The following ADAMDEC1 variants were observed in gnomAD, a reference collection of about 807,000 sequenced individuals.
The protein encoded by ADAMDEC1 is ADAM like decysin 1.
A neutral mutation model predicts 60.4 loss-of-function variants in ADAMDEC1; 62 were observed. The observed-to-expected ratio is 1.03, with a 90% CI of 0.84 to 1.27. ADAMDEC1 has a LOEUF of 1.27. Among genes scored for constraint, ADAMDEC1 ranks in the 50% most tolerant of loss-of-function variants. The pLI, the probability that ADAMDEC1 is intolerant of heterozygous loss-of-function variation, is 0.00. For missense variants in ADAMDEC1, 595 were observed against 565.0 expected (o/e 1.05, Z -0.54); for synonymous variants, 210 against 195.1 (o/e 1.08, Z -0.64).
intron 3 of ADAMDEC1, among the ~76,000 whole-genome samples, chr8:24,393,596 C>G (rs1465287076): frequency 1.3e-5 from 2 of 152,152 alleles, no homozygotes; most frequent in Non-Finnish European, 2.9e-5. Context: ...CTCAGATAAA[C>G]TCAAGACTTT....
chr8:24,398,833 A>T, intron 8 of ADAMDEC1, 41 bp from the exon 9 acceptor site: 1 of 1,594,272 alleles, frequency 6.3e-7, no homozygotes, highest in Non-Finnish European at 8.6e-7. Context: ...ACACGAAAGG[A>T]ATCCTGAACA....
intron 7 of ADAMDEC1, 89 bp downstream of exon 7, chr8:24,397,834 C>G (rs1563355958): frequency 1.6e-6 from 2 of 1,267,704 alleles, no homozygotes; most frequent in Non-Finnish European, 2.2e-6. Context: ...ACTATTTTAG[C>G]TAATCATGGG....
At chr8:24,400,857 A>G (rs539718124) in intron 11 of ADAMDEC1, among the ~76,000 whole-genome samples, 67 of 138,034 alleles carry the variant, frequency 4.9e-4, no homozygotes, top group African/African-American at 1.8e-3. Context: ...TCATTGTTCA[A>G]TTCCCACCTA....
intron 1 of ADAMDEC1, among the ~76,000 whole-genome samples, chr8:24,386,638 C>A (rs555461500): frequency 6.6e-6 from 1 of 152,184 alleles, no homozygotes; most frequent in Non-Finnish European, 1.5e-5. Context: ...CCTTCTCATA[C>A]AAGGACATTG....
intron 11 of ADAMDEC1, among the ~76,000 whole-genome samples, chr8:24,400,632 C>CAT (rs35748437): frequency 0.022 from 3,155 of 145,700 alleles, 27 homozygotes; most frequent in Middle Eastern, 0.064. Flanking sequence ...TGTTTCTTTT[C>CAT]ATATATATAT....
intron 3 of ADAMDEC1, 81 bp from the exon 4 acceptor site, chr8:24,393,988 C>A: frequency 1.2e-6 from 1 of 864,238 alleles, no homozygotes; most frequent in Non-Finnish European, 1.9e-6. Flanking sequence ...TAGACACTAT[C>A]ACTATTTTAG....
intron 1 of ADAMDEC1, among the ~76,000 whole-genome samples, chr8:24,385,871 T>G (rs1817277519): frequency 6.6e-6 from 1 of 152,222 alleles, no homozygotes; most frequent in African/African-American, 2.4e-5. Context: ...ACTGTGCCTG[T>G]GCTGTCGGAT....
At chr8:24,387,834 C>G (rs1455161906) in intron 1 of ADAMDEC1, 1 of 152,262 alleles carries the variant, frequency 6.6e-6, no homozygotes, top group Non-Finnish European at 1.5e-5. Flanking sequence ...CCTGCTGGCT[C>G]TGTCCTGCAG....
In ADAMDEC1 at chr8:24,387,448, T is replaced by C. The variant is rs1321330880; in HGVS notation, c.88+2856T>C. On this transcript the variant is annotated intron_variant, in intron 1 of 13. Coordinates refer to ENST00000256412, the MANE Select transcript of ADAMDEC1 (RefSeq NM_014479.3). ...ACAAAGCAGCCCTGACTAAGGCCCA[T>C]AACGTTAAAGATGTTACTGGGACCC... The C allele has an allele frequency of 2.6e-5, 4 of 152,026 alleles. No homozygotes were observed. The East Asian group carries it at 5.8e-4, about 22-fold the overall frequency. 9.4% of individuals were successfully genotyped at this position (152,026 alleles called of 1,614,324 possible).
chr8:24,387,494 T>G (rs1817323675), intron 1 of ADAMDEC1: 1 of 152,168 alleles, frequency 6.6e-6, no homozygotes, highest in African/African-American at 2.4e-5. Flanking sequence ...TGCATGATGT[T>G]AAGATTTCTC....
At chr8:24,394,822 GCTAACA>G (rs1817563451) in intron 4 of ADAMDEC1, among the ~76,000 whole-genome samples, 1 of 152,108 alleles carries the variant, frequency 6.6e-6, no homozygotes, top group Non-Finnish European at 1.5e-5. Flanking sequence ...CTGAATTTTT[GCTAACA>G]CTATCTTCAG....
At chr8:24,397,538 G>A (rs1019687041) in intron 6 of ADAMDEC1, 82 bp downstream of exon 6, 4 of 1,519,018 alleles carry the variant, frequency 2.6e-6, no homozygotes, top group African/African-American at 2.8e-5. Context: ...TTAGAAATGA[G>A]TAGTATGTGT....
In ADAMDEC1 at chr8:24,397,359, A is replaced by G; in HGVS notation, c.530A>G (p.Gln177Arg). 1 of 1,614,098 alleles carries G rather than the reference A, an allele frequency of 6.2e-7. No individual in the cohort carries two copies. The change falls in exon 6 of 14, where the codon CAG becomes CGG. Residue 177 changes from glutamine to arginine, a missense_variant. Gln to Arg is a conservative substitution (Grantham distance 43, BLOSUM62 1). Coordinates refer to ENST00000256412, the MANE Select transcript of ADAMDEC1 (RefSeq NM_014479.3). ...EKEHAVFTSN[Q>R]EEQDPANHTC... ...GAACATGCCGTCTTTACATCTAACC[A>G]GGAGGAACAAGACCCAGCTAACCAC... is the stretch of plus-strand genomic sequence containing the variant.
At chr8:24,393,010 T>C (rs1478291459) in intron 2 of ADAMDEC1, among the ~76,000 whole-genome samples, 1 of 151,138 alleles carries the variant, frequency 6.6e-6, no homozygotes, top group Non-Finnish European at 1.5e-5. Context: ...TACTGTACAT[T>C]AGGGCAAATG....
At position 24,392,334 on chromosome 8, in the gene ADAMDEC1, A is replaced by T; in HGVS notation, c.161A>T (p.His54Leu). Residue 54 changes from histidine to leucine, a missense_variant, in exon 2 of 14, where the codon CAC becomes CTC. By Grantham distance (99) the His-to-Leu change is moderately conservative. Transcript: ENST00000256412. ...TGTCCTAAAAAACTTCACATTTTAC[A>T]CAAAAGAGAGATCAAGAACAACCAG... is the stretch of plus-strand genomic sequence containing the variant. ...IVCPKKLHILHKREIKNNQTE... is the reference protein window; with the variant it reads ...IVCPKKLHILLKREIKNNQTE... 6.2e-7 allele frequency: 1 copy of T among 1,612,682 alleles called. No homozygotes were observed. Among genetic ancestry groups the T allele is most frequent in the Non-Finnish European group, 8.5e-7 (1 of 1,179,308 alleles).
At chr8:24,398,354 A>G (rs1193407098) in intron 7 of ADAMDEC1, 126 bp from the exon 8 acceptor site, 2 of 598,524 alleles carry the variant, frequency 3.3e-6, no homozygotes, top group African/African-American at 3.9e-5. Context: ...TTATTTAATT[A>G]TGGAATGAAT....
intron 1 of ADAMDEC1, among the ~76,000 whole-genome samples, chr8:24,385,279 T>A (rs1000889333): frequency 3.3e-5 from 5 of 152,130 alleles, no homozygotes; most frequent in African/African-American, 1.2e-4. Context: ...GTAAAGTACA[T>A]AGCTGAGGAG....
rs1323556579 is a variant in ADAMDEC1, at chr8:24,390,162, A to C, written c.89-2100A>C. The C allele has an allele frequency of 3.0e-6, 3 of 1,004,032 alleles. No individual in the cohort carries two copies. The East Asian group carries it at 1.8e-4, about 60-fold the overall frequency. The allele number at this position is 1,004,032 out of a possible 1,614,324, so 62.2% of individuals were successfully genotyped here. A position where few individuals can be genotyped will look rare whatever the true frequency, so the allele number is the denominator to read the frequency against. On this transcript the variant is annotated intron_variant, in intron 1 of 13. Coordinates refer to ENST00000256412, the MANE Select transcript of ADAMDEC1 (RefSeq NM_014479.3). The stretch of plus-strand genomic sequence containing the variant: ...TGTGCGTGGCCTAAAGTCAGCATTC[A>C]ATAAATATTTGTGAAATGAATATTT...
At chr8:24,405,015 T>C (rs981108359) in intron 13 of ADAMDEC1, among the ~76,000 whole-genome samples, 8 of 152,158 alleles carry the variant, frequency 5.3e-5, no homozygotes, top group Admixed American at 3.9e-4. Flanking sequence ...TGCCCCTTAC[T>C]GTGCAAGATA....
Sources: allele counts gnomAD v4.1 joint callset (sites outside exome capture counted in the v4.1 genomes callset), GRCh38; gene constraint gnomAD v4.1.1; transcripts MANE v1.5; gene names NCBI Gene and HGNC (gene_info 2026-07-23, HGNC 2026-07-21).